Variants in TLR2 observed in about 807,000 individuals in gnomAD.
TLR2 encodes toll like receptor 2.
In TLR2, 7 loss-of-function variants were observed where a neutral mutation model predicts 9.1. That is an observed-to-expected ratio of 0.77 (90% CI 0.44 to 1.44). The LOEUF (loss-of-function observed/expected upper bound fraction) is 1.44, where lower values mean the gene tolerates loss of function less well. TLR2 is among the 40% of genes most tolerant of loss of function. TLR2 has a pLI of 0.01. For synonymous variants in TLR2, 317 were observed against 344.6 expected (o/e 0.92, Z 0.89); for missense variants, 812 against 904.6 (o/e 0.90, Z 1.31).
intron 2 of TLR2, among the ~76,000 whole-genome samples, chr4:153,695,216 A>G (rs1736407632): frequency 6.6e-6 from 1 of 152,166 alleles, no homozygotes; most frequent in South Asian, 2.1e-4. Flanking sequence ...ATTGTGTGGT[A>G]GCTCTACTGT....
intron 2 of TLR2, among the ~76,000 whole-genome samples, chr4:153,694,377 G>A (rs1261428825): frequency 6.6e-6 from 1 of 152,176 alleles, no homozygotes; most frequent in African/African-American, 2.4e-5. Context: ...TTTTGTTTAT[G>A]GCAAGATCTG....
rs1390891646 is a variant in TLR2, at chr4:153,706,008, G to C, written c.*746G>C. On this transcript the variant is annotated 3_prime_UTR_variant, in exon 3 of 3. Coordinates refer to ENST00000642700, the MANE Select transcript of TLR2 (RefSeq NM_001318789.2). ...CTGATCTCAAGAGCAACAAGGCAAA[G>C]TATTTGGGGCACTCCCCAAAACTTG... is the stretch of plus-strand genomic sequence containing the variant. Among the ~76,000 whole-genome samples, 1 of 152,206 alleles carries C rather than the reference G, an allele frequency of 6.6e-6. No homozygotes were observed. The highest frequency in any genetic ancestry group is 1.9e-4 in the East Asian group (1 of 5,198).
Position 153,704,563 on chromosome 4 carries a change from C to G in TLR2, c.1656C>G (p.Ala552=). The G allele has an allele frequency of 6.2e-7, 1 of 1,613,848 alleles. No homozygotes were observed. The highest frequency in any genetic ancestry group is 2.2e-5 in the East Asian group (1 of 44,838). ...TCACTCAGGAGCAGCAAGCACTGGC[C>G]AAAGTCTTGATTGATTGGCCAGCAA... is the stretch of plus-strand genomic sequence containing the variant. The part of the protein sequence containing the change: ...LSFTQEQQAL[A]KVLIDWPANY... Residue 552 remains alanine, a synonymous_variant, in exon 3 of 3, where the codon GCC becomes GCG. Transcript: ENST00000642700.
At chr4:153,709,698 G>A (rs118051856), downstream of TLR2, among the ~76,000 whole-genome samples, 15 of 152,350 alleles carry the variant, frequency 9.8e-5, no homozygotes, top group East Asian at 2.3e-3. Context: ...TGGAATGACT[G>A]TGCACGTGTA....
chr4:153,688,902 A>G (rs760954222), intron 2 of TLR2, among the ~76,000 whole-genome samples: 2 of 152,232 alleles, frequency 1.3e-5, no homozygotes, highest in South Asian at 2.1e-4. Context: ...TTGCAAAGCA[A>G]TAAAAGCAAA....
chr4:153,685,169 A>G (rs951282566), intron 1 of TLR2, among the ~76,000 whole-genome samples: 1 of 152,226 alleles, frequency 6.6e-6, no homozygotes, highest in African/African-American at 2.4e-5. Flanking sequence ...TAGGTCTCTG[A>G]TTAGAAAACA....
intron 1 of TLR2, among the ~76,000 whole-genome samples, chr4:153,685,617 G>A (rs1191016896): frequency 3.3e-5 from 5 of 152,246 alleles, no homozygotes; most frequent in East Asian, 1.9e-4. Flanking sequence ...TTCTAAGCAA[G>A]GAACATCTTT....
chr4:153,702,175 A>G (rs1370190073), intron 2 of TLR2: 5 of 152,218 alleles, frequency 3.3e-5, no homozygotes, highest in Non-Finnish European at 7.3e-5. Flanking sequence ...CCCCCACATT[A>G]ATCTGAACAG....
At chr4:153,709,050 T>G (rs1737423026), downstream of TLR2, among the ~76,000 whole-genome samples, 1 of 152,146 alleles carries the variant, frequency 6.6e-6, no homozygotes, top group Non-Finnish European at 1.5e-5. Flanking sequence ...ACTAAACTTT[T>G]GCTCCAACCT....
chr4:153,693,733 C>T (rs1736286152), intron 2 of TLR2, among the ~76,000 whole-genome samples: 1 of 152,190 alleles, frequency 6.6e-6, no homozygotes, highest in African/African-American at 2.4e-5. Flanking sequence ...TGAAAAGGTT[C>T]CAAGGTGGAA....
At chr4:153,707,853 G>T (rs1252460241), downstream of TLR2, among the ~76,000 whole-genome samples, 1 of 152,142 alleles carries the variant, frequency 6.6e-6, no homozygotes, top group East Asian at 1.9e-4. Context: ...GAGGTGGGAG[G>T]ATCACCTGAG....
rs768080599 is a variant in TLR2, at chr4:153,706,102, T to C, written c.*840T>C. Among the ~76,000 whole-genome samples, 6 of 152,214 alleles carry C rather than the reference T, an allele frequency of 3.9e-5. No homozygotes were observed. Among genetic ancestry groups the C allele is most frequent in the Non-Finnish European group, 8.8e-5 (6 of 68,044 alleles). On this transcript the variant is annotated 3_prime_UTR_variant, in exon 3 of 3. Transcript: ENST00000642700. Reference sequence around the variant, plus strand: ...TTACAGGATGAGAAATACTAGAGGGTGTATTTTCATGTGATCTGGATCTGT... The same window carrying C: ...TTACAGGATGAGAAATACTAGAGGGCGTATTTTCATGTGATCTGGATCTGT...
intron 2 of TLR2, among the ~76,000 whole-genome samples, chr4:153,694,466 C>T (rs1436181015): frequency 6.6e-6 from 1 of 152,200 alleles, no homozygotes; most frequent in Non-Finnish European, 1.5e-5. Context: ...CAAACAGGCA[C>T]ATATTTTTTA....
At chr4:153,686,457 A>G (rs576350450) in intron 1 of TLR2, among the ~76,000 whole-genome samples, 201 of 152,348 alleles carry the variant, frequency 1.3e-3, no homozygotes, top group South Asian at 0.011. Context: ...AGACTTCAAA[A>G]CAACCCAACA....
intron 2 of TLR2, among the ~76,000 whole-genome samples, chr4:153,694,017 G>T (rs1428094355): frequency 6.6e-6 from 1 of 152,142 alleles, no homozygotes; most frequent in Non-Finnish European, 1.5e-5. Context: ...GGAAATCAGG[G>T]GATTCACAGC....
chr4:153,688,095 C>A (rs563124007), intron 2 of TLR2, 48 bp downstream of exon 2: 1 of 152,162 alleles, frequency 6.6e-6, no homozygotes, highest in Non-Finnish European at 1.5e-5. Flanking sequence ...ATTTTCAGCT[C>A]TCTGACTTTA....
At position 153,703,855 on chromosome 4, in the gene TLR2, G is replaced by T; in HGVS notation, c.948G>T (p.Arg316Ser). 1 of 1,614,078 alleles carries T rather than the reference G, an allele frequency of 6.2e-7. No individual in the cohort carries two copies. Among genetic ancestry groups the T allele is most frequent in the Non-Finnish European group, 8.5e-7 (1 of 1,180,000 alleles). ...PGKVETLTIR[R>S]LHIPRFYLFY... The stretch of plus-strand genomic sequence containing the variant: ...AAGTGGAAACGTTAACAATCCGGAG[G>T]CTGCATATTCCAAGGTTTTACTTAT... The change falls in exon 3 of 3, where the codon AGG (arginine) becomes AGT (serine). Residue 316 changes from arginine to serine, a missense_variant. Physicochemically the swap from Arg to Ser is moderately radical, Grantham distance 110. Coordinates refer to ENST00000642700, the MANE Select transcript of TLR2 (RefSeq NM_001318789.2).
chr4:153,701,340 A>G (rs994787318), intron 2 of TLR2, among the ~76,000 whole-genome samples: 5 of 152,132 alleles, frequency 3.3e-5, no homozygotes, highest in African/African-American at 1.2e-4. Flanking sequence ...GCGTTCTCCC[A>G]TGTGAGGACA....
Position 153,706,024 on chromosome 4 carries a change from C to T in TLR2, c.*762C>T, listed in dbSNP as rs1737311354. On this transcript the variant is annotated 3_prime_UTR_variant, in exon 3 of 3. Coordinates refer to ENST00000642700, the MANE Select transcript of TLR2 (RefSeq NM_001318789.2). ...CAAGGCAAAGTATTTGGGGCACTCC[C>T]CAAAACTTGTTGCTATTCCTAGAAA... Among the ~76,000 whole-genome samples the T allele has an allele frequency of 6.6e-6, 1 of 152,160 alleles. No individual in the cohort carries two copies. Among genetic ancestry groups the T allele is most frequent in the Non-Finnish European group, 1.5e-5 (1 of 68,024 alleles).
Sources: gnomAD v4.1 joint callset for allele counts (sites outside exome capture counted in the v4.1 genomes callset) on GRCh38, gnomAD v4.1.1 for gene constraint, MANE v1.5 for transcripts, NCBI Gene and HGNC (gene_info 2026-07-23, HGNC 2026-07-21) for gene names.